Variants in HSPA12A observed in about 807,000 individuals in gnomAD.
The protein encoded by HSPA12A is heat shock protein family A (Hsp70) member 12A.
Under a neutral mutation model 69.2 loss-of-function variants are expected in HSPA12A, and 28 were observed. The ratio of observed to expected loss-of-function variants is 0.40; its 90% CI spans 0.30 to 0.55. HSPA12A has a LOEUF of 0.55. Among genes scored for constraint, HSPA12A ranks in the 20% least tolerant of loss-of-function variants. The probability of loss-of-function intolerance (pLI) is 0.38; values close to 1 mark genes in which losing one functional copy is unlikely to be tolerated. For synonymous variants in HSPA12A, 345 were observed against 370.5 expected (o/e 0.93, Z 0.79); for missense variants, 686 against 900.7 (o/e 0.76, Z 3.05).
At chr10:116,788,256 C>A (rs1844623278) in intron 2 of HSPA12A, among the ~76,000 whole-genome samples, 1 of 152,306 alleles carries the variant, frequency 6.6e-6, no homozygotes, top group Non-Finnish European at 1.5e-5. Flanking sequence ...GGTGGTGGAG[C>A]TGGTGAACTG....
intron 2 of HSPA12A, among the ~76,000 whole-genome samples, chr10:116,822,295 C>T (rs577632101): frequency 2.0e-4 from 31 of 152,342 alleles, no homozygotes; most frequent in Non-Finnish European, 2.9e-5. Context: ...ACCTTCCCTT[C>T]GGTGATCCTC....
chr10:116,791,822 C>T (rs1175136146), intron 2 of HSPA12A, among the ~76,000 whole-genome samples: 4 of 152,036 alleles, frequency 2.6e-5, no homozygotes, highest in Admixed American at 2.0e-4. Flanking sequence ...GGTTTCCCTG[C>T]CTGCAGAATC....
At chr10:116,770,446 C>T (rs553052634) in intron 2 of HSPA12A, among the ~76,000 whole-genome samples, 31 of 152,142 alleles carry the variant, frequency 2.0e-4, no homozygotes, top group Non-Finnish European at 4.6e-4. Flanking sequence ...GGGGCCAGTC[C>T]GATGCCCTCC....
At chr10:116,685,533 G>T (rs1271990913) in intron 6 of HSPA12A, among the ~76,000 whole-genome samples, 2 of 151,830 alleles carry the variant, frequency 1.3e-5, no homozygotes, top group African/African-American at 4.8e-5. Context: ...TACTCGGGAG[G>T]CTGAGGCAGG....
chr10:116,731,632 CTCTT>C lies in HSPA12A; in HGVS notation c.40+10794_40+10797del, dbSNP rs1851157626. Among the ~76,000 whole-genome samples, 3 of 152,228 alleles carry C rather than the reference CTCTT, an allele frequency of 2.0e-5. No homozygotes were observed. In the South Asian group the frequency reaches 6.2e-4, roughly 32 times the overall value. ...AAGAGCAAAATTTCTAACAGGTAGT[CTCTT>C]TCTTCTCCATTCTTGTACAGCCCTC... On this transcript the variant is annotated intron_variant, in intron 1 of 11. Coordinates refer to ENST00000369209, the MANE Select transcript of HSPA12A (RefSeq NM_025015.3).
chr10:116,695,140 C>T (rs1849849529), intron 5 of HSPA12A, among the ~76,000 whole-genome samples: 1 of 152,110 alleles, frequency 6.6e-6, no homozygotes, highest in East Asian at 1.9e-4. Context: ...AGTCTCAGAG[C>T]CTCCCTCTCT....
chr10:116,688,375 C>T (rs966386384), intron 6 of HSPA12A, among the ~76,000 whole-genome samples: 17 of 152,226 alleles, frequency 1.1e-4, no homozygotes, highest in African/African-American at 1.7e-4. Context: ...TCCAAGAATT[C>T]GGGGCAGCAG....
At chr10:116,739,834 C>T (rs1851425167) in intron 1 of HSPA12A, among the ~76,000 whole-genome samples, 1 of 152,084 alleles carries the variant, frequency 6.6e-6, no homozygotes, top group African/African-American at 2.4e-5. Context: ...CACCCAACTA[C>T]CACATTTTGC....
At chr10:116,799,830 CAGAA>C (rs2133165908) in intron 2 of HSPA12A, among the ~76,000 whole-genome samples, 1 of 152,298 alleles carries the variant, frequency 6.6e-6, no homozygotes, top group South Asian at 2.1e-4. Flanking sequence ...CCCCTTCATT[CAGAA>C]AGATTTAGTG....
chr10:116,706,056 G>A lies in HSPA12A; in HGVS notation c.127-778C>T, dbSNP rs141478510. ...ACTATAGGCACCCGCCACCACACCC[G>A]GCTAATTTCTTGTATTTTTTAGTAG... is the stretch of plus-strand genomic sequence containing the variant. On this transcript the variant is annotated intron_variant, in intron 2 of 11. Coordinates refer to ENST00000369209, the MANE Select transcript of HSPA12A (RefSeq NM_025015.3). Among the ~76,000 whole-genome samples, 25 of 151,874 alleles carry A rather than the reference G, an allele frequency of 1.6e-4. No individual in the cohort carries two copies. The East Asian group carries it at 3.9e-3, about 24-fold the overall frequency.
At chr10:116,724,324 G>T (rs1468042460) in intron 1 of HSPA12A, among the ~76,000 whole-genome samples, 1 of 152,162 alleles carries the variant, frequency 6.6e-6, no homozygotes, top group East Asian at 1.9e-4. Context: ...AAATGTTTCT[G>T]ATATATTATA....
At chr10:116,693,379 C>A (rs1307512071) in intron 5 of HSPA12A, among the ~76,000 whole-genome samples, 1 of 152,188 alleles carries the variant, frequency 6.6e-6, no homozygotes, top group Non-Finnish European at 1.5e-5. Context: ...CGCTGGAGGA[C>A]TTCTTAGACT....
chr10:116,691,359 G>C (rs554789634), intron 6 of HSPA12A, among the ~76,000 whole-genome samples: 1 of 152,154 alleles, frequency 6.6e-6, no homozygotes, highest in Non-Finnish European at 1.5e-5. Flanking sequence ...AACTATGCTG[G>C]GGCTCAGGGT....
chr10:116,672,266 G>A lies in HSPA12A; in HGVS notation c.*2515C>T, dbSNP rs576901324. 2 of 152,270 alleles carry A rather than the reference G, an allele frequency of 1.3e-5. No individual in the cohort carries two copies. The highest frequency in any genetic ancestry group is 2.1e-4 in the South Asian group (1 of 4,822). 9.4% of individuals were successfully genotyped at this position (152,270 alleles called of 1,614,324 possible). A position where few individuals can be genotyped will look rare whatever the true frequency, so the allele number is the denominator to read the frequency against. On this transcript the variant is annotated 3_prime_UTR_variant, in exon 12 of 12. Coordinates refer to ENST00000369209, the MANE Select transcript of HSPA12A (RefSeq NM_025015.3). ...GCCCTCAGAGTGACTGCTCCGACCCGGAAGGAGAGGTCAACGACCCCTCAG... is the reference window on the plus strand; with the variant it reads ...GCCCTCAGAGTGACTGCTCCGACCCAGAAGGAGAGGTCAACGACCCCTCAG...
intron 2 of HSPA12A, among the ~76,000 whole-genome samples, chr10:116,826,105 CCA>C (rs1219458172): frequency 6.6e-6 from 1 of 152,084 alleles, no homozygotes; most frequent in Non-Finnish European, 1.5e-5. Context: ...TGCCCCACCC[CCA>C]CACACACCCA....
intron 2 of HSPA12A, among the ~76,000 whole-genome samples, chr10:116,799,329 C>T (rs1164742514): frequency 6.6e-6 from 1 of 152,200 alleles, no homozygotes; most frequent in Non-Finnish European, 1.5e-5. Flanking sequence ...TAAACAGCTT[C>T]TTTGGTTTCT....
rs375628817 is a variant in HSPA12A at position 116,674,894 on chromosome 10, G to A, written c.1915C>T (p.Arg639Trp). ...TGTSGTAVPA[R>W]REIQTLMQFG... is the part of the protein sequence containing the mutation. ...TGCATAAGGGTCTGGATCTCCCTCC[G>A]GGCGGGCACCGCAGTGCCACTGGTC... Residue 639 changes from arginine (R) to tryptophan (W), a missense_variant, in exon 12 of 12, where the codon CGG becomes TGG. Coordinates refer to ENST00000369209, the MANE Select transcript of HSPA12A (RefSeq NM_025015.3). 8 of 1,613,972 alleles carry A rather than the reference G, an allele frequency of 5.0e-6. No individual in the cohort carries two copies. Among genetic ancestry groups the A allele is most frequent in the South Asian group, 3.3e-5 (3 of 91,084 alleles).
chr10:116,692,530 G>A, intron 5 of HSPA12A, 63 bp from the exon 6 acceptor site: 1 of 1,325,998 alleles, frequency 7.5e-7, no homozygotes, highest in Admixed American at 1.7e-5. Flanking sequence ...GCAGCCTCCT[G>A]TGGCTTCACT....
intron 1 of HSPA12A, among the ~76,000 whole-genome samples, chr10:116,721,547 T>G (rs1033972140): frequency 6.6e-5 from 10 of 152,122 alleles, no homozygotes; most frequent in African/African-American, 2.4e-4. Context: ...AATTTGAACT[T>G]AAAGTAAGTC....
Sources: allele counts gnomAD v4.1 joint callset (sites outside exome capture counted in the v4.1 genomes callset), GRCh38; gene constraint gnomAD v4.1.1; transcripts MANE v1.5; gene names NCBI Gene and HGNC (gene_info 2026-07-23, HGNC 2026-07-21).